The following DOCK3 variants were observed in gnomAD, a reference collection of about 807,000 sequenced individuals.
DOCK3 encodes the protein dedicator of cytokinesis protein 3.
In DOCK3, 60 loss-of-function variants were observed where a neutral mutation model predicts 265.6. That is an observed-to-expected ratio of 0.23 (90% CI 0.18 to 0.28). DOCK3 has a LOEUF of 0.28. Among genes scored for constraint, DOCK3 ranks in the 10% least tolerant of loss-of-function variants. DOCK3 has a pLI of 1.00. For missense variants in DOCK3, 1,981 were observed against 2,594.3 expected, an observed-to-expected ratio of 0.76 and a Z score of 5.14; for synonymous variants, 881 against 938.0, an observed-to-expected ratio of 0.94 and a Z score of 1.11.
intron 7 of DOCK3, among the ~76,000 whole-genome samples, chr3:51,080,963 A>G (rs1001448778): frequency 2.6e-5 from 4 of 151,084 alleles, no homozygotes; most frequent in African/African-American, 9.8e-5. Context: ...TTTTGTGCAT[A>G]TACATTCTAT....
intron 2 of DOCK3, among the ~76,000 whole-genome samples, chr3:50,823,373 C>G (rs550916619): frequency 6.6e-5 from 10 of 152,164 alleles, no homozygotes; most frequent in Non-Finnish European, 1.5e-4. Context: ...TGACTCTTAA[C>G]GAGCATGCTG....
chr3:50,984,640 T>C (rs953131802), intron 5 of DOCK3, among the ~76,000 whole-genome samples: 1 of 152,194 alleles, frequency 6.6e-6, no homozygotes, highest in African/African-American at 2.4e-5. Context: ...TATTCATTTC[T>C]CTTGCTATAA....
intron 9 of DOCK3, among the ~76,000 whole-genome samples, chr3:51,131,125 T>C (rs1315269158): frequency 6.6e-6 from 1 of 152,220 alleles, no homozygotes; most frequent in Admixed American, 6.5e-5. Context: ...GTGGGGGTTC[T>C]GCCAGCTGCT....
intron 3 of DOCK3, among the ~76,000 whole-genome samples, chr3:50,862,696 C>T (rs554147990): frequency 2.0e-5 from 3 of 152,276 alleles, no homozygotes; most frequent in African/African-American, 7.2e-5. Context: ...CTCATGGCTA[C>T]CACCAAAATG....
At chr3:51,049,806 C>CACAT (rs1241620259) in intron 5 of DOCK3, among the ~76,000 whole-genome samples, 4 of 146,032 alleles carry the variant, frequency 2.7e-5, no homozygotes, top group Non-Finnish European at 4.5e-5. Flanking sequence ...CACACACACA[C>CACAT]ACACACACAC....
At chr3:51,094,332 T>C (rs1439401242) in intron 9 of DOCK3, among the ~76,000 whole-genome samples, 1 of 152,220 alleles carries the variant, frequency 6.6e-6, no homozygotes, top group Non-Finnish European at 1.5e-5. Context: ...TACTAATTAC[T>C]GCCTCCATTT....
At chr3:51,130,549 C>T (rs1576181018) in intron 9 of DOCK3, among the ~76,000 whole-genome samples, 1 of 152,320 alleles carries the variant, frequency 6.6e-6, no homozygotes, top group South Asian at 2.1e-4. Flanking sequence ...CGATAATGCA[C>T]TGTCATTCTT....
chr3:51,001,912 C>T (rs1429929496), intron 5 of DOCK3, among the ~76,000 whole-genome samples: 1 of 151,400 alleles, frequency 6.6e-6, no homozygotes, highest in Non-Finnish European at 1.5e-5. Context: ...CTTTTCATGA[C>T]TCATTTTTTA....
chr3:50,826,442 G>A (rs1431386199), intron 2 of DOCK3, among the ~76,000 whole-genome samples: 8 of 152,032 alleles, frequency 5.3e-5, no homozygotes, highest in Admixed American at 5.3e-4. Flanking sequence ...GAACCATAAG[G>A]TCAGCAAGCT....
chr3:51,009,507 T>G (rs1575744547), intron 5 of DOCK3, among the ~76,000 whole-genome samples: 1 of 152,346 alleles, frequency 6.6e-6, no homozygotes, highest in Non-Finnish European at 1.5e-5. Context: ...TTCTTCTCTC[T>G]TTTCTTCTTT....
intron 12 of DOCK3, among the ~76,000 whole-genome samples, chr3:51,169,867 T>C (rs1038673593): frequency 1.3e-5 from 2 of 152,192 alleles, no homozygotes; most frequent in Admixed American, 6.5e-5. Flanking sequence ...TCTCACTTGA[T>C]TGTGGTATAT....
intron 1 of DOCK3, among the ~76,000 whole-genome samples, chr3:50,730,367 T>A (rs951378760): frequency 6.6e-6 from 1 of 151,694 alleles, no homozygotes; most frequent in African/African-American, 2.4e-5. Flanking sequence ...GGTCTCAAAC[T>A]GCTGACCTCA....
chr3:51,040,514 T>C (rs918027722), intron 5 of DOCK3, among the ~76,000 whole-genome samples: 1 of 152,184 alleles, frequency 6.6e-6, no homozygotes, highest in African/African-American at 2.4e-5. Context: ...TAAGTATTGA[T>C]GGCTGCTGAC....
At chr3:51,139,262 G>A in intron 9 of DOCK3, among the ~76,000 whole-genome samples, 1 of 139,474 alleles carries the variant, frequency 7.2e-6, no homozygotes, top group East Asian at 2.0e-4. Flanking sequence ...AGTGGGGGGA[G>A]GGCTAAGATG....
At chr3:51,120,954 T>C (rs1271232601) in intron 9 of DOCK3, among the ~76,000 whole-genome samples, 1 of 152,184 alleles carries the variant, frequency 6.6e-6, no homozygotes, top group Non-Finnish European at 1.5e-5. Context: ...TGGCTTCAGC[T>C]TCCTTTCCAG....
chr3:50,675,444 AGGTGCGGGTGCGGGTGCG>A lies in DOCK3; in HGVS notation c.37+153_37+170del, dbSNP rs924052569. On this transcript the variant is annotated intron_variant, in intron 1 of 52. Coordinates refer to ENST00000266037, the MANE Select transcript of DOCK3 (RefSeq NM_004947.5). The surrounding 1 kb of genome is among the most constrained non-coding windows in gnomAD (Gnocchi z 6.1). Reference sequence around the variant, plus strand: ...CGCGGGGCGAGCGCGGGGTGGGGGCAGGTGCGGGTGCGGGTGCGGGTGCGGGGGTGGGCGCGGGTCTCT... The same window carrying A: ...CGCGGGGCGAGCGCGGGGTGGGGGCAGGTGCGGGGGTGGGCGCGGGTCTCT... The A allele has an allele frequency of 1.2e-5, 8 of 650,390 alleles. No individual in the cohort carries two copies. In the African/African-American group the frequency reaches 1.4e-4, roughly 11 times the overall value. The allele number at this position is 650,390 out of a possible 1,614,324, so 40.3% of individuals were successfully genotyped here.
At chr3:50,703,846 T>TA (rs397719917) in intron 1 of DOCK3, among the ~76,000 whole-genome samples, 4 of 151,870 alleles carry the variant, frequency 2.6e-5, no homozygotes, top group Admixed American at 6.6e-5. Context: ...GTAATTTTTT[T>TA]ATTCTTTTCT....
At chr3:51,351,724 T>C (rs1439396867) in intron 40 of DOCK3, among the ~76,000 whole-genome samples, 1 of 150,370 alleles carries the variant, frequency 6.7e-6, no homozygotes, top group Admixed American at 6.7e-5. Context: ...TGGCACGATC[T>C]TGGCTCACCG....
chr3:51,368,828 T>G (rs551342045), intron 49 of DOCK3, among the ~76,000 whole-genome samples: 1 of 152,264 alleles, frequency 6.6e-6, no homozygotes, highest in East Asian at 1.9e-4. Context: ...TGACACCTCA[T>G]ATGGCAGGGT....
Sources: allele counts gnomAD v4.1 joint callset (sites outside exome capture counted in the v4.1 genomes callset), GRCh38; gene constraint gnomAD v4.1.1; non-coding constraint Gnocchi (gnomAD v3.1); transcripts MANE v1.5; gene names NCBI Gene and HGNC (gene_info 2026-07-23, HGNC 2026-07-21).